The following PRKN variants were observed in gnomAD, a reference collection of about 807,000 sequenced individuals.
PRKN encodes E3 ubiquitin-protein ligase parkin.
Under a neutral mutation model 59.5 loss-of-function variants are expected in PRKN, and 56 were observed. The observed-to-expected ratio is 0.94, with a 90% CI of 0.76 to 1.18. The LOEUF (loss-of-function observed/expected upper bound fraction) is 1.18. PRKN is among the 50% of genes most tolerant of loss of function. PRKN has a pLI of 0.00. For missense variants in PRKN, 657 were observed against 596.4 expected (o/e 1.10, Z -1.06); for synonymous variants, 250 against 222.1 (o/e 1.13, Z -1.12).
rs558900145 is a variant in PRKN at position 162,457,319 on chromosome 6, C to T, written c.8-13846G>A. Among the ~76,000 whole-genome samples the T allele has an allele frequency of 3.3e-5, 5 of 152,222 alleles. 1 individual carries two copies. The South Asian group carries it at 6.2e-4, about 19-fold the overall frequency. ...TCAGACTATTAAAAATCATCTTTTA[C>T]ATGTATTATTAGCAAGATGATACTG... On this transcript the variant is annotated intron_variant, in intron 1 of 11. Coordinates refer to ENST00000366898, the MANE Select transcript of PRKN (RefSeq NM_004562.3).
At chr6:162,024,103 A>T (rs1218562158) in intron 5 of PRKN, among the ~76,000 whole-genome samples, 4 of 149,112 alleles carry the variant, frequency 2.7e-5, no homozygotes, top group African/African-American at 7.4e-5. Context: ...CATTTTAATG[A>T]TATTGATTCT....
chr6:162,131,579 T>C (rs1781357796), intron 4 of PRKN, among the ~76,000 whole-genome samples: 1 of 152,226 alleles, frequency 6.6e-6, no homozygotes, highest in African/African-American at 2.4e-5. Context: ...AATGTATCTA[T>C]AAATCTTTTT....
chr6:161,418,030 G>T (rs538400366), intron 9 of PRKN, among the ~76,000 whole-genome samples: 1 of 152,210 alleles, frequency 6.6e-6, no homozygotes, highest in South Asian at 2.1e-4. Context: ...GTATCACAGC[G>T]CAGGGCTCTC....
intron 5 of PRKN, among the ~76,000 whole-genome samples, chr6:162,016,416 C>T (rs1782936850): frequency 6.6e-6 from 1 of 152,110 alleles, no homozygotes; most frequent in African/African-American, 2.4e-5. Context: ...GGATAAAATG[C>T]TCCTCCTGTC....
In PRKN at chr6:161,405,648, A is replaced by T. The variant is rs988863919; in HGVS notation, c.1084-18771T>A. 7.0e-6 allele frequency among the ~76,000 whole-genome samples: 1 copy of T among 143,196 alleles called. No homozygotes were observed. The highest frequency in any genetic ancestry group is 1.6e-5 in the Non-Finnish European group (1 of 64,350). 93.9% of individuals were successfully genotyped at this position (143,196 alleles called of 152,430 possible). On this transcript the variant is annotated intron_variant, in intron 9 of 11. Coordinates refer to ENST00000366898, the MANE Select transcript of PRKN (RefSeq NM_004562.3). The surrounding 1 kb of genome is among the most constrained non-coding windows in gnomAD (Gnocchi z 5.1). ...TAAATAAATAAATAAATAAATAAAT[A>T]AATTTGGGTCCACCATAATCAGCAT...
At chr6:161,707,538 G>A (rs1583033930) in intron 7 of PRKN, among the ~76,000 whole-genome samples, 1 of 152,184 alleles carries the variant, frequency 6.6e-6, no homozygotes, top group South Asian at 2.1e-4. Flanking sequence ...TTACATTTTC[G>A]ACACAACAAA....
chr6:161,661,573 G>A (rs1356390202), intron 7 of PRKN, among the ~76,000 whole-genome samples: 1 of 149,568 alleles, frequency 6.7e-6, no homozygotes, highest in African/African-American at 2.5e-5. Flanking sequence ...TTTTTCTGTA[G>A]CAAGTGCTGT....
At chr6:162,163,646 A>G (rs1782854417) in intron 4 of PRKN, among the ~76,000 whole-genome samples, 1 of 149,204 alleles carries the variant, frequency 6.7e-6, no homozygotes, top group Non-Finnish European at 1.5e-5. Flanking sequence ...AATGATCTAG[A>G]AAAGGATCAC....
intron 1 of PRKN, among the ~76,000 whole-genome samples, chr6:162,658,685 G>A (rs28457660): frequency 8.7e-4 from 74 of 84,990 alleles, no homozygotes; most frequent in Non-Finnish European, 9.2e-4. Flanking sequence ...AAAAAAAAAA[G>A]AAAAAAGAAA....
intron 6 of PRKN, among the ~76,000 whole-genome samples, chr6:161,873,941 A>G (rs1445802679): frequency 8.1e-6 from 1 of 123,466 alleles, no homozygotes; most frequent in East Asian, 2.1e-4. Flanking sequence ...TAATATATAT[A>G]AAAGAAATAT....
At chr6:162,256,111 G>C (rs1453585957) in intron 3 of PRKN, among the ~76,000 whole-genome samples, 1 of 152,094 alleles carries the variant, frequency 6.6e-6, no homozygotes, top group Non-Finnish European at 1.5e-5. Flanking sequence ...GTATCATTTG[G>C]AAAATTAATT....
At chr6:161,701,927 T>C (rs1786268973) in intron 7 of PRKN, among the ~76,000 whole-genome samples, 2 of 152,296 alleles carry the variant, frequency 1.3e-5, no homozygotes, top group Non-Finnish European at 2.9e-5. Context: ...CAGTGGGAAG[T>C]ATATTTTTGA....
chr6:162,527,863 C>A (rs1778350729), intron 1 of PRKN, among the ~76,000 whole-genome samples: 1 of 152,058 alleles, frequency 6.6e-6, no homozygotes, highest in Non-Finnish European at 1.5e-5. Context: ...TACAGTTAAG[C>A]CACCTGCCCA....
chr6:161,435,533 A>C (rs1248765343), intron 9 of PRKN, among the ~76,000 whole-genome samples: 2 of 151,992 alleles, frequency 1.3e-5, no homozygotes, highest in Admixed American at 6.6e-5. Flanking sequence ...AAATGTGTTC[A>C]TTTTAAATAT....
In PRKN at chr6:162,262,775, AGC is replaced by A. The variant is rs1461895253; in HGVS notation, c.172-12_172-11del. The A allele has an allele frequency of 4.1e-6, 6 of 1,480,802 alleles. No homozygotes were observed. The highest frequency in any genetic ancestry group is 3.4e-5 in the Admixed American group (2 of 58,040). The allele number at this position is 1,480,802 out of a possible 1,614,324, so 91.7% of individuals were successfully genotyped here. ...GATCCAGGTCACAATTCTGTTTGGG[AGC>A]AAGGTAAAAAAAAAAAAAAAAAAAA... On this transcript the variant is annotated splice_polypyrimidine_tract_variant and intron_variant, in intron 2 of 11. Coordinates refer to ENST00000366898, the MANE Select transcript of PRKN (RefSeq NM_004562.3).
intron 3 of PRKN, among the ~76,000 whole-genome samples, chr6:162,215,345 A>G (rs1351972347): frequency 6.6e-6 from 1 of 152,202 alleles, no homozygotes; most frequent in Non-Finnish European, 1.5e-5. Context: ...AAAGTCTTTC[A>G]GCTTGCAAAA....
intron 1 of PRKN, among the ~76,000 whole-genome samples, chr6:162,570,339 C>T (rs899288028): frequency 6.6e-6 from 1 of 152,134 alleles, no homozygotes; most frequent in Admixed American, 6.5e-5. Flanking sequence ...GAAAAGGGAA[C>T]CCTCATATAC....
At chr6:162,706,299 C>T (rs1050673134) in intron 1 of PRKN, among the ~76,000 whole-genome samples, 1 of 152,128 alleles carries the variant, frequency 6.6e-6, no homozygotes, top group Non-Finnish European at 1.5e-5. Flanking sequence ...AGGCGCACTG[C>T]ATGGAACTCA....
At chr6:162,007,661 C>T (rs1782308926) in intron 5 of PRKN, among the ~76,000 whole-genome samples, 1 of 151,908 alleles carries the variant, frequency 6.6e-6, no homozygotes, top group Non-Finnish European at 1.5e-5. Flanking sequence ...CTCATCACAA[C>T]AAATTCTGGC....
Sources: gnomAD v4.1 joint callset for allele counts (sites outside exome capture counted in the v4.1 genomes callset) on GRCh38, gnomAD v4.1.1 for gene constraint, Gnocchi (gnomAD v3.1) non-coding constraint, MANE v1.5 for transcripts, NCBI Gene and HGNC (gene_info 2026-07-23, HGNC 2026-07-21) for gene names.